MBNL2: variants seen among roughly 807,000 people sequenced by gnomAD.
The protein encoded by MBNL2 is muscleblind-like protein 2.
MBNL2 carries 17 observed loss-of-function variants against 41.9 expected under a neutral mutation model. The observed-to-expected ratio is 0.41, with a 90% CI of 0.28 to 0.61. The LOEUF (loss-of-function observed/expected upper bound fraction) is 0.61, where lower values mean the gene tolerates loss of function less well. Ranked by LOEUF, MBNL2 falls within the 20% of genes least tolerant of loss-of-function variation. MBNL2 has a pLI of 0.35. For synonymous variants in MBNL2, 195 were observed against 182.9 expected, an observed-to-expected ratio of 1.07 and a Z score of -0.53; for missense variants, 336 against 505.6, an observed-to-expected ratio of 0.66 and a Z score of 3.22.
chr13:97,149,981 G>T, the MBNL2 span, among the ~76,000 whole-genome samples: 2 of 152,220 alleles, frequency 1.3e-5, no homozygotes, highest in African/African-American at 4.8e-5. Flanking sequence ...GAGGGTCAGG[G>T]CTGACAACTT....
At chr13:97,150,253 T>C in the MBNL2 span, among the ~76,000 whole-genome samples, 1 of 152,202 alleles carries the variant, frequency 6.6e-6, no homozygotes, top group African/African-American at 2.4e-5. Context: ...GAGTTATCCA[T>C]GCTGAGATGC....
intron 2 of MBNL2, among the ~76,000 whole-genome samples, chr13:97,291,898 C>A (rs373687253): frequency 6.8e-4 from 2 of 2,926 alleles, no homozygotes; most frequent in Admixed American, 4.2e-3. Flanking sequence ...CCGTCTCCGT[C>A]TCAAAAAAAA....
chr13:97,150,726 C>G, the MBNL2 span, among the ~76,000 whole-genome samples: 1 of 152,176 alleles, frequency 6.6e-6, no homozygotes, highest in Non-Finnish European at 1.5e-5. Context: ...AGGTTGATCT[C>G]AAACTCCTGG....
intron 2 of MBNL2, among the ~76,000 whole-genome samples, chr13:97,301,677 C>G (rs2057635949): frequency 6.6e-6 from 1 of 152,162 alleles, no homozygotes; most frequent in African/African-American, 2.4e-5. Flanking sequence ...GAGTTCTCCG[C>G]CAGCCCCGGG....
chr13:97,283,899 A>T (rs529247021), intron 2 of MBNL2, among the ~76,000 whole-genome samples: 2 of 152,294 alleles, frequency 1.3e-5, no homozygotes, highest in South Asian at 4.2e-4. Flanking sequence ...TCAGTGAGCA[A>T]AGGAGTGAGG....
chr13:97,236,442 C>T (rs950678871), intron 1 of MBNL2, among the ~76,000 whole-genome samples: 1 of 151,504 alleles, frequency 6.6e-6, no homozygotes, highest in Admixed American at 6.6e-5. Context: ...TTTATTTCTT[C>T]ATCTGGGTGT....
intron 1 of MBNL2, among the ~76,000 whole-genome samples, chr13:97,228,568 G>A (rs1264458884): frequency 8.6e-6 from 1 of 116,208 alleles, no homozygotes; most frequent in African/African-American, 3.4e-5. Context: ...GCACTCTGTT[G>A]CCCAAGCTGG....
the MBNL2 span, among the ~76,000 whole-genome samples, chr13:97,180,024 G>C: frequency 3.2e-4 from 48 of 152,356 alleles, no homozygotes; most frequent in African/African-American, 1.1e-3. Context: ...ATGAAGTACA[G>C]AGAATGTATA....
At chr13:97,310,707 G>A (rs2058520133) in intron 2 of MBNL2, among the ~76,000 whole-genome samples, 1 of 151,924 alleles carries the variant, frequency 6.6e-6, no homozygotes, top group East Asian at 1.9e-4. Context: ...GGGATTACAG[G>A]AGTGAACCAC....
chr13:97,224,519 G>A (rs572565223), intron 1 of MBNL2, among the ~76,000 whole-genome samples: 79 of 150,624 alleles, frequency 5.2e-4, no homozygotes, highest in Non-Finnish European at 9.9e-4. Context: ...GACTACTCAC[G>A]TAGTTTTGAG....
rs189011867 is a variant in MBNL2, at chr13:97,348,591, C to T, written c.804+1524C>T. Among the ~76,000 whole-genome samples, 297 of 152,266 alleles carry T rather than the reference C, an allele frequency of 2.0e-3. 4 individuals carry two copies. Among genetic ancestry groups the T allele is most frequent in the Middle Eastern group, 6.8e-3 (2 of 294 alleles). ...TAGAATAAATAAATCAGTCAGGTTT[C>T]CTTGCCCTCAAGGAGTTTGGAGTTA... On this transcript the variant is annotated intron_variant, in intron 5 of 8. Transcript: ENST00000679496.
intron 3 of MBNL2, among the ~76,000 whole-genome samples, chr13:97,335,970 T>C: frequency 6.6e-6 from 1 of 152,230 alleles, no homozygotes; most frequent in Non-Finnish European, 1.5e-5. Context: ...GCAATAAATT[T>C]AGAGCCAGCA....
chr13:97,290,132 G>A (rs1297199308), intron 2 of MBNL2, among the ~76,000 whole-genome samples: 1 of 152,092 alleles, frequency 6.6e-6, no homozygotes, highest in Non-Finnish European at 1.5e-5. Flanking sequence ...CCCAATTCTT[G>A]AATCACTATT....
the MBNL2 span, among the ~76,000 whole-genome samples, chr13:97,214,753 T>A: frequency 6.6e-6 from 1 of 152,176 alleles, no homozygotes; most frequent in Non-Finnish European, 1.5e-5. Context: ...GGGCTGAGAA[T>A]ACTCATCCTT....
At chr13:97,349,907 T>A (rs2062279239) in intron 5 of MBNL2, among the ~76,000 whole-genome samples, 1 of 152,180 alleles carries the variant, frequency 6.6e-6, no homozygotes, top group Admixed American at 6.5e-5. Context: ...TGGTGTCTTT[T>A]ATACCAGCTC....
the MBNL2 span, among the ~76,000 whole-genome samples, chr13:97,187,558 C>T: frequency 7.6e-6 from 1 of 132,430 alleles, no homozygotes; most frequent in Non-Finnish European, 1.6e-5. Context: ...CTGTCTGTTG[C>T]CTTCTGCCAC....
chr13:97,299,332 G>A (rs1426613409), intron 2 of MBNL2, among the ~76,000 whole-genome samples: 1 of 152,116 alleles, frequency 6.6e-6, no homozygotes, highest in Non-Finnish European at 1.5e-5. Context: ...GCAACACAAG[G>A]TTCCTGCCAT....
At chr13:97,200,378 G>T in the MBNL2 span, among the ~76,000 whole-genome samples, 1 of 152,206 alleles carries the variant, frequency 6.6e-6, no homozygotes, top group African/African-American at 2.4e-5. Flanking sequence ...GCTGGGTCAT[G>T]TCTACATCTC....
At chr13:97,205,909 C>T in the MBNL2 span, among the ~76,000 whole-genome samples, 1 of 152,088 alleles carries the variant, frequency 6.6e-6, no homozygotes, top group Non-Finnish European at 1.5e-5. Context: ...AGGAAATCTT[C>T]GAAATATTGG....
Sources: allele counts gnomAD v4.1 joint callset (sites outside exome capture counted in the v4.1 genomes callset), GRCh38; gene constraint gnomAD v4.1.1; transcripts MANE v1.5; gene names NCBI Gene and HGNC (gene_info 2026-07-23, HGNC 2026-07-21).